SEC63: variants seen among roughly 807,000 people sequenced by gnomAD.
SEC63 encodes translocation protein SEC63 homolog.
Under a neutral mutation model 116.2 loss-of-function variants are expected in SEC63, and 56 were observed. The observed-to-expected ratio is 0.48, with a 90% CI of 0.39 to 0.60. The LOEUF (loss-of-function observed/expected upper bound fraction) is 0.60. SEC63 is among the 20% of genes least tolerant of loss of function. The probability of loss-of-function intolerance (pLI) is 0.00; values close to 1 mark genes in which losing one functional copy is unlikely to be tolerated. For missense variants in SEC63, 668 were observed against 900.0 expected, an observed-to-expected ratio of 0.74 and a Z score of 3.30; for synonymous variants, 273 against 294.6, an observed-to-expected ratio of 0.93 and a Z score of 0.75.
chr6:107,900,821 A>T (rs1786984195), intron 13 of SEC63, among the ~76,000 whole-genome samples: 1 of 152,212 alleles, frequency 6.6e-6, no homozygotes, highest in Non-Finnish European at 1.5e-5. Context: ...CAGTATTCTA[A>T]GACCATTCAG....
At chr6:107,888,065 T>G (rs1405293202) in intron 16 of SEC63, among the ~76,000 whole-genome samples, 2 of 152,228 alleles carry the variant, frequency 1.3e-5, no homozygotes, top group African/African-American at 4.8e-5. Flanking sequence ...AAGATTGTCT[T>G]GGCTATGCGG....
chr6:107,926,450 C>T (rs946518845), intron 2 of SEC63, among the ~76,000 whole-genome samples: 1 of 152,106 alleles, frequency 6.6e-6, no homozygotes, highest in Admixed American at 6.5e-5. Flanking sequence ...TCATGGCTCA[C>T]TGCAGCCTCG....
In SEC63 at chr6:107,958,032, T is replaced by G. The variant is rs1770749173; in HGVS notation, c.-23A>C. Reference sequence around the variant, plus strand: ...CATGGCACCCCCTCCTCCGCCTCGCTCTTCTCACCGCCGCCGCCACGACCA... The same window carrying G: ...CATGGCACCCCCTCCTCCGCCTCGCGCTTCTCACCGCCGCCGCCACGACCA... On this transcript the variant is annotated 5_prime_UTR_variant, in exon 1 of 21. Transcript: ENST00000369002. 1.2e-6 allele frequency: 2 copies of G among 1,612,220 alleles called. No individual in the cohort carries two copies. The highest frequency in any genetic ancestry group is 4.5e-5 in the East Asian group (2 of 44,788).
intron 1 of SEC63, 121 bp from the exon 2 acceptor site, chr6:107,929,635 T>A (rs961006423): frequency 2.6e-5 from 17 of 655,024 alleles, no homozygotes; most frequent in Non-Finnish European, 4.4e-5. Flanking sequence ...ATGAAATTAC[T>A]GCCTATTCAA....
rs576153103 is a variant in SEC63, at chr6:107,901,249, C to T, written c.1357+121G>A. 9.6e-5 allele frequency: 96 copies of T among 1,000,284 alleles called. 1 individual carries two copies. The East Asian group carries it at 2.2e-3, about 23-fold the overall frequency. The allele number at this position is 1,000,284 out of a possible 1,614,324, so 62.0% of individuals were successfully genotyped here. ...TAAATCTGACAGGTAAACTACAGTTCTGCAAAGTCTAATAACAAGTTATGT... is the reference window on the plus strand; with the variant it reads ...TAAATCTGACAGGTAAACTACAGTTTTGCAAAGTCTAATAACAAGTTATGT... On this transcript the variant is annotated intron_variant, in intron 13 of 20. Coordinates refer to ENST00000369002, the MANE Select transcript of SEC63 (RefSeq NM_007214.5).
intron 1 of SEC63, among the ~76,000 whole-genome samples, chr6:107,938,794 T>C (rs1770311297): frequency 6.6e-6 from 1 of 150,942 alleles, no homozygotes. Context: ...TGACCTCAAG[T>C]TCCACCCACC....
chr6:107,897,203 G>C (rs928048682), intron 14 of SEC63, among the ~76,000 whole-genome samples: 25 of 152,082 alleles, frequency 1.6e-4, no homozygotes, highest in African/African-American at 6.0e-4. Context: ...ATACTTTTCT[G>C]CATTGTTTAA....
chr6:107,907,459 G>C (rs1787171272), intron 8 of SEC63, among the ~76,000 whole-genome samples: 2 of 152,142 alleles, frequency 1.3e-5, no homozygotes, highest in African/African-American at 4.8e-5. Context: ...GTGCACGCCT[G>C]TAATCCCAGC....
intron 8 of SEC63, among the ~76,000 whole-genome samples, 175 bp from the exon 9 acceptor site, chr6:107,906,952 G>A (rs768367026): frequency 6.6e-6 from 1 of 152,018 alleles, no homozygotes; most frequent in Non-Finnish European, 1.5e-5. Flanking sequence ...GTAACATCTC[G>A]CTTTTTAAAA....
At chr6:107,875,998 T>C (rs961973733) in intron 19 of SEC63, among the ~76,000 whole-genome samples, 4 of 152,138 alleles carry the variant, frequency 2.6e-5, no homozygotes, top group African/African-American at 9.7e-5. Context: ...TAGGGCTATC[T>C]TGAAAAGCTT....
At chr6:107,921,977 T>A (rs982718986) in intron 3 of SEC63, 68 bp from the exon 4 acceptor site, 2 of 903,826 alleles carry the variant, frequency 2.2e-6, no homozygotes, top group Admixed American at 2.0e-5. Context: ...TGTAAAGAAA[T>A]AATCAATCCT....
At chr6:107,940,792 T>TAAA (rs35107353) in intron 1 of SEC63, among the ~76,000 whole-genome samples, 2 of 142,320 alleles carry the variant, frequency 1.4e-5, no homozygotes, top group Non-Finnish European at 1.5e-5. Context: ...AAAGTATTCT[T>TAAA]AAAAAAAAAA....
chr6:107,941,094 CA>C (rs1223282548), intron 1 of SEC63, among the ~76,000 whole-genome samples: 1 of 152,060 alleles, frequency 6.6e-6, no homozygotes, highest in South Asian at 2.1e-4. Context: ...TATGTCCCAC[CA>C]GAACTTTAAA....
chr6:107,880,470 G>T (rs1345955457), intron 18 of SEC63, among the ~76,000 whole-genome samples: 1 of 152,236 alleles, frequency 6.6e-6, no homozygotes, highest in South Asian at 2.1e-4. Flanking sequence ...AAGGTAATTT[G>T]AAAGATGAAC....
In SEC63 at chr6:107,906,760, C is replaced by A; in HGVS notation, c.751G>T (p.Ala251Ser). 1 of 1,613,278 alleles carries A rather than the reference C, an allele frequency of 6.2e-7. No homozygotes were observed. The highest frequency in any genetic ancestry group is 8.5e-7 in the Non-Finnish European group (1 of 1,179,460). Reference sequence around the variant, plus strand: ...TGAGGATCAAATTCAGAAGCTCCAGCCAAAACCATGATAAGACCTAACAAA... The same window carrying A: ...TGAGGATCAAATTCAGAAGCTCCAGACAAAACCATGATAAGACCTAACAAA... ...MDMKRLIMVL[A>S]GASEFDPQYN... Residue 251 changes from alanine (A) to serine (S), a missense_variant, in exon 9 of 21, where the codon GCT becomes TCT. By Grantham distance (99) the Ala-to-Ser change is moderately conservative (BLOSUM62 1). This residue lies in a region of SEC63 where 430 missense variants were observed against 557.5 expected (regional missense o/e 0.77). Transcript: ENST00000369002.
chr6:107,878,581 C>A lies in SEC63; in HGVS notation c.1936-1919G>T, dbSNP rs1291639344. Among the ~76,000 whole-genome samples, 5 of 152,178 alleles carry A rather than the reference C, an allele frequency of 3.3e-5. No individual in the cohort carries two copies. The East Asian group carries it at 9.7e-4, about 29-fold the overall frequency. On this transcript the variant is annotated intron_variant, in intron 18 of 20. Transcript: ENST00000369002. ...CTCAAGAATATTTATTAGGGCCAGC[C>A]ATGGTGGCTCACACCTGTAATCCCA... is the stretch of plus-strand genomic sequence containing the variant.
At chr6:107,905,097 G>C (rs1787117018) in intron 10 of SEC63, among the ~76,000 whole-genome samples, 1 of 152,204 alleles carries the variant, frequency 6.6e-6, no homozygotes, top group Non-Finnish European at 1.5e-5. Flanking sequence ...AAGAGACGTA[G>C]AAGAGAAGAA....
chr6:107,877,050 G>A, intron 18 of SEC63: 1 of 188,566 alleles, frequency 5.3e-6, no homozygotes, highest in Non-Finnish European at 9.9e-6. Context: ...TGGAGTGGAA[G>A]GAACATATAT....
chr6:107,919,411 A>T (rs1275001811), intron 4 of SEC63, among the ~76,000 whole-genome samples: 1 of 152,354 alleles, frequency 6.6e-6, no homozygotes, highest in East Asian at 1.9e-4. Flanking sequence ...TTAAGATGGT[A>T]TCTATTCCTG....
Sources: gnomAD v4.1 joint callset for allele counts (sites outside exome capture counted in the v4.1 genomes callset) on GRCh38, gnomAD v4.1.1 for gene constraint, gnomAD v4.1.1 regional missense constraint, MANE v1.5 for transcripts, NCBI Gene and HGNC (gene_info 2026-07-23, HGNC 2026-07-21) for gene names.